The following CHCHD3 variants were observed in gnomAD, a reference collection of about 807,000 sequenced individuals.
CHCHD3 encodes coiled-coil-helix-coiled-coil-helix domain containing 3, also known as MICOS complex subunit MIC19.
A neutral mutation model predicts 38.2 loss-of-function variants in CHCHD3; 20 were observed. That is an observed-to-expected ratio of 0.52 (90% CI 0.37 to 0.76). CHCHD3 has a LOEUF of 0.76. Ranked by LOEUF, CHCHD3 falls within the 30% of genes least tolerant of loss-of-function variation. The pLI, the probability that CHCHD3 is intolerant of heterozygous loss-of-function variation, is 0.00. For missense variants in CHCHD3, 245 were observed against 279.2 expected, an observed-to-expected ratio of 0.88 and a Z score of 0.87; for synonymous variants, 82 against 100.0, an observed-to-expected ratio of 0.82 and a Z score of 1.07.
At chr7:133,062,938 T>C (rs1241541436) in intron 2 of CHCHD3, among the ~76,000 whole-genome samples, 3 of 152,104 alleles carry the variant, frequency 2.0e-5, no homozygotes, top group South Asian at 2.1e-4. Context: ...AGGAAATCAA[T>C]GGGTGGAAGT....
intron 2 of CHCHD3, among the ~76,000 whole-genome samples, chr7:133,030,540 CAAA>C (rs113146522): frequency 6.6e-6 from 1 of 151,762 alleles, no homozygotes; most frequent in African/African-American, 2.4e-5. Flanking sequence ...GGAGTAAAAA[CAAA>C]AAAATGTTCA....
intron 4 of CHCHD3, among the ~76,000 whole-genome samples, chr7:132,905,225 T>C (rs1485445738): frequency 6.6e-6 from 1 of 152,068 alleles, no homozygotes; most frequent in East Asian, 1.9e-4. Flanking sequence ...TGTGTACATG[T>C]ACCCTAGAAC....
intron 3 of CHCHD3, 152 bp from the exon 4 acceptor site, chr7:132,975,438 A>G (rs1386132882): frequency 1.3e-5 from 8 of 602,590 alleles, no homozygotes; most frequent in Non-Finnish European, 2.3e-5. Flanking sequence ...AAAAGCAGGT[A>G]TAGAGGTAAA....
chr7:132,936,032 T>G (rs1451947789), intron 4 of CHCHD3, among the ~76,000 whole-genome samples: 1 of 152,118 alleles, frequency 6.6e-6, no homozygotes. Context: ...CATTCACGAG[T>G]GCACTGAGAG....
intron 3 of CHCHD3, among the ~76,000 whole-genome samples, chr7:133,003,193 G>GA (rs1173834188): frequency 6.6e-6 from 1 of 152,070 alleles, no homozygotes; most frequent in Non-Finnish European, 1.5e-5. Flanking sequence ...GAGACAATGT[G>GA]AAACACGACT....
chr7:132,928,837 TTTTCTC>T (rs1810446050), intron 4 of CHCHD3, among the ~76,000 whole-genome samples: 1 of 152,194 alleles, frequency 6.6e-6, no homozygotes, highest in Admixed American at 6.5e-5. Flanking sequence ...TCATCCTTGC[TTTTCTC>T]CGTCTCTTAC....
chr7:132,886,383 A>C (rs892974552), intron 4 of CHCHD3, among the ~76,000 whole-genome samples: 1 of 151,934 alleles, frequency 6.6e-6, no homozygotes, highest in African/African-American at 2.4e-5. Context: ...AATCAAAACA[A>C]GTATAATATT....
At chr7:133,018,899 T>G (rs1016371437) in intron 3 of CHCHD3, among the ~76,000 whole-genome samples, 1 of 147,766 alleles carries the variant, frequency 6.8e-6, no homozygotes, top group Non-Finnish European at 1.5e-5. Flanking sequence ...TTTTTTTTTT[T>G]TGAGACGGAG....
intron 3 of CHCHD3, among the ~76,000 whole-genome samples, chr7:132,982,025 A>AT (rs1252551913): frequency 5.9e-5 from 9 of 152,224 alleles, no homozygotes; most frequent in Non-Finnish European, 1.0e-4. Flanking sequence ...ATTTTGTCAG[A>AT]ACCTGCCGAA....
At chr7:132,952,640 A>G (rs1811059707) in intron 4 of CHCHD3, among the ~76,000 whole-genome samples, 1 of 152,228 alleles carries the variant, frequency 6.6e-6, no homozygotes, top group South Asian at 2.1e-4. Context: ...TACTATAAAC[A>G]TAGGCCATAT....
chr7:133,070,220 T>C lies in CHCHD3; in HGVS notation c.91A>G (p.Asn31Asp), dbSNP rs1814780244. 1 of 1,613,246 alleles carries C rather than the reference T, an allele frequency of 6.2e-7. No homozygotes were observed. Among genetic ancestry groups the C allele is most frequent in the Non-Finnish European group, 8.5e-7 (1 of 1,179,846 alleles). ...TVVKGIRLSE[N>D]VIDRMKESSP... ...GATTCCTTCATTCGATCAATCACAT[T>C]TTCCGAAAGCTGGAAAAGCAACATC... The change falls in exon 2 of 8, where the codon AAT becomes GAT. Residue 31 changes from asparagine to aspartate, a missense_variant. Physicochemically the swap from Asn to Asp is conservative, Grantham distance 23 (BLOSUM62 1). Transcript: ENST00000262570.
intron 3 of CHCHD3, among the ~76,000 whole-genome samples, chr7:133,003,686 C>T (rs565907271): frequency 5.3e-5 from 8 of 152,264 alleles, no homozygotes; most frequent in African/African-American, 9.6e-5. Flanking sequence ...TTACACTTGC[C>T]GAGGCCCAAT....
In CHCHD3 at chr7:133,057,786, T is replaced by C. The variant is rs553825829; in HGVS notation, c.169+12356A>G. Among the ~76,000 whole-genome samples the C allele has an allele frequency of 3.0e-4, 46 of 152,222 alleles. 1 individual carries two copies. In the South Asian group the frequency reaches 7.5e-3, roughly 25 times the overall value. On this transcript the variant is annotated intron_variant, in intron 2 of 7. Transcript: ENST00000262570. ...GAGGAAAAATTTATTATTTGTATGT[T>C]TATCAAGCTTGAGCAAAAATACTTT...
At chr7:132,981,511 T>C (rs1811918067) in intron 3 of CHCHD3, among the ~76,000 whole-genome samples, 1 of 152,240 alleles carries the variant, frequency 6.6e-6, no homozygotes, top group Admixed American at 6.5e-5. Flanking sequence ...TATTTTAAAA[T>C]AGGCTCTTTT....
At chr7:133,058,538 G>C (rs1584678132) in intron 2 of CHCHD3, among the ~76,000 whole-genome samples, 1 of 152,148 alleles carries the variant, frequency 6.6e-6, no homozygotes, top group Non-Finnish European at 1.5e-5. Context: ...CAATGTTTTT[G>C]GGGGAGCTGT....
At chr7:132,931,790 T>C (rs919480630) in intron 4 of CHCHD3, among the ~76,000 whole-genome samples, 15 of 152,164 alleles carry the variant, frequency 9.9e-5, no homozygotes, top group African/African-American at 3.1e-4. Context: ...TTAAGTTCTG[T>C]AGGAAGAATG....
intron 4 of CHCHD3, among the ~76,000 whole-genome samples, chr7:132,942,968 C>A (rs1810804868): frequency 6.6e-6 from 1 of 151,788 alleles, no homozygotes; most frequent in Non-Finnish European, 1.5e-5. Context: ...GGTCTGGTTG[C>A]AAACAGAGAG....
At chr7:133,075,677 G>A (rs1473638209) in intron 1 of CHCHD3, among the ~76,000 whole-genome samples, 3 of 152,182 alleles carry the variant, frequency 2.0e-5, no homozygotes, top group South Asian at 4.1e-4. Context: ...ATCTGTAGCT[G>A]CAGAACAACT....
intron 3 of CHCHD3, among the ~76,000 whole-genome samples, chr7:132,994,252 T>C (rs974559535): frequency 6.6e-6 from 1 of 152,134 alleles, no homozygotes; most frequent in African/African-American, 2.4e-5. Context: ...TAAGAGAAAT[T>C]TGATATAGAG....
Sources: allele counts gnomAD v4.1 joint callset (sites outside exome capture counted in the v4.1 genomes callset), GRCh38; gene constraint gnomAD v4.1.1; transcripts MANE v1.5; gene names NCBI Gene and HGNC (gene_info 2026-07-23, HGNC 2026-07-21).